The following WNT8A variants were observed in gnomAD, a reference collection of about 807,000 sequenced individuals.
WNT8A encodes protein Wnt-8a.
WNT8A carries 14 observed loss-of-function variants against 20.5 expected under a neutral mutation model. The observed-to-expected ratio is 0.68, with a 90% confidence interval of 0.45 to 1.07. The LOEUF is 1.07. WNT8A is among the 50% of genes least tolerant of loss of function. The probability of loss-of-function intolerance (pLI) is 0.00; values close to 1 mark genes in which losing one functional copy is unlikely to be tolerated. For missense variants in WNT8A, 397 were observed against 462.9 expected (o/e 0.86, Z 1.31); for synonymous variants, 167 against 169.2 (o/e 0.99, Z 0.10).
chr5:138,088,986 T>G lies in WNT8A; in HGVS notation c.481T>G (p.Ser161Ala), dbSNP rs1323502185. Residue 161 changes from serine (S) to alanine (A), a missense_variant, in exon 4 of 5, where the codon TCC becomes GCC. Coordinates refer to ENST00000506684, the MANE Select transcript of WNT8A (RefSeq NM_001300939.2). The stretch of plus-strand genomic sequence containing the variant: ...CAATGTGGAATTTGGGGAAAGGATC[T>G]CCAAACTCTTTGTGGACAGTTTGGA... ...SDNVEFGERI[S>A]KLFVDSLEKG... 1.9e-6 allele frequency: 3 copies of G among 1,613,916 alleles called. No homozygotes were observed. Among genetic ancestry groups the G allele is most frequent in the Non-Finnish European group, 2.5e-6 (3 of 1,179,972 alleles).
chr5:138,084,754 C>T, intron 2 of WNT8A, 118 bp downstream of exon 2: 1 of 1,286,232 alleles, frequency 7.8e-7, no homozygotes, highest in Admixed American at 3.0e-5. Flanking sequence ...TGCCAGTGAC[C>T]TGCTGACCTG....
In WNT8A at chr5:138,090,914, G is replaced by A. The variant is rs557959690; in HGVS notation, c.951G>A (p.Leu317=). 1.2e-6 allele frequency: 2 copies of A among 1,614,224 alleles called. No homozygotes were observed. Among genetic ancestry groups the A allele is most frequent in the African/African-American group, 1.3e-5 (1 of 75,056 alleles). ...SCGRLCTECG[L]QVEERKTEVI... is the part of the protein sequence containing the mutation. ...GGCGCCTGTGCACTGAGTGTGGGCT[G>A]CAGGTGGAAGAGAGGAAAACTGAGG... is the stretch of plus-strand genomic sequence containing the variant. Residue 317 remains leucine, a synonymous_variant, in exon 5 of 5, where the codon CTG becomes CTA. Coordinates refer to ENST00000506684, the MANE Select transcript of WNT8A (RefSeq NM_001300939.2).
the WNT8A span, among the ~76,000 whole-genome samples, chr5:138,078,088 G>T: frequency 6.6e-6 from 1 of 152,006 alleles, no homozygotes; most frequent in African/African-American, 2.4e-5. Flanking sequence ...AGAGCATATT[G>T]TTGGGGAACT....
chr5:138,084,482 CT>C lies in WNT8A; in HGVS notation c.157-12del. The C allele has an allele frequency of 1.9e-6, 3 of 1,590,366 alleles. No individual in the cohort carries two copies. The highest frequency in any genetic ancestry group is 1.1e-5 in the South Asian group (1 of 87,356). On this transcript the variant is annotated splice_polypyrimidine_tract_variant and intron_variant, in intron 1 of 4. Coordinates refer to ENST00000506684, the MANE Select transcript of WNT8A (RefSeq NM_001300939.2). ...CCATACCGGGCAGAAGCTCACAGCC[CT>C]TTTCCCTTTGCCAGGCCTATCTGAC...
Position 138,088,080 on chromosome 5 carries a change from T to C in WNT8A, c.421+149T>C, listed in dbSNP as rs1022410699. The C allele has an allele frequency of 1.6e-5, 20 of 1,245,506 alleles. No individual in the cohort carries two copies. In the African/African-American group the frequency reaches 3.0e-4, roughly 19 times the overall value. The allele number at this position is 1,245,506 out of a possible 1,614,324, so 77.2% of individuals were successfully genotyped here. A position where few individuals can be genotyped will look rare whatever the true frequency, so the allele number is the denominator to read the frequency against. On this transcript the variant is annotated intron_variant, in intron 3 of 4. Transcript: ENST00000506684. ...CCTTCAATTGTAGGATCTCCTAGCC[T>C]TACACTCTCAGAGTTGAGCCTGGGT...
intron 2 of WNT8A, among the ~76,000 whole-genome samples, chr5:138,084,946 T>C (rs1750612807): frequency 6.6e-6 from 1 of 152,106 alleles, no homozygotes; most frequent in African/African-American, 2.4e-5. Flanking sequence ...TTTTTTTTTT[T>C]CTTTTTTTGA....
At chr5:138,087,671 A>G (rs1257565151) in intron 2 of WNT8A, 135 bp from the exon 3 acceptor site, 37 of 829,620 alleles carry the variant, frequency 4.5e-5, no homozygotes, top group Middle Eastern at 3.8e-4. Context: ...AAAAAAAAAA[A>G]AAAGAAAGAA....
rs759551893 is a variant in WNT8A, at chr5:138,084,102, T to C, written c.-26T>C. ...GGTAGGCAGGGCGATGGGGAACCTG[T>C]TTATGCTCTGGGCAGCTCTGGGCAT... is the stretch of plus-strand genomic sequence containing the variant. On this transcript the variant is annotated 5_prime_UTR_variant, in exon 1 of 5. Coordinates refer to ENST00000506684, the MANE Select transcript of WNT8A (RefSeq NM_001300939.2). 5 of 1,613,672 alleles carry C rather than the reference T, an allele frequency of 3.1e-6. No homozygotes were observed. The South Asian group carries it at 5.5e-5, about 18-fold the overall frequency.
At chr5:138,077,637 T>A in the WNT8A span, among the ~76,000 whole-genome samples, 1 of 152,160 alleles carries the variant, frequency 6.6e-6, no homozygotes, top group Non-Finnish European at 1.5e-5. Flanking sequence ...CAGAGATGGA[T>A]AGGACAGAGA....
intron 4 of WNT8A, among the ~76,000 whole-genome samples, chr5:138,090,310 A>T (rs1750803174): frequency 6.6e-6 from 1 of 152,228 alleles, no homozygotes; most frequent in Non-Finnish European, 1.5e-5. Flanking sequence ...TCACCCAGGG[A>T]AGCTTTAAAA....
In WNT8A at chr5:138,091,068, G is replaced by A. The variant is rs1178127366; in HGVS notation, c.1105G>A (p.Ala369Thr). ...GSAQSLGKGS[A>T] is the part of the protein sequence containing the mutation. ...TGCCCAGTCCCTGGGTAAGGGCAGTGCCTGATAATACCCCACACAAGTTCA... is the reference window on the plus strand; with the variant it reads ...TGCCCAGTCCCTGGGTAAGGGCAGTACCTGATAATACCCCACACAAGTTCA... Residue 369 changes from alanine (A) to threonine (T), a missense_variant, in exon 5 of 5, where the codon GCC becomes ACC. Physicochemically the swap from Ala to Thr is moderately conservative, Grantham distance 58 (BLOSUM62 0). Coordinates refer to ENST00000506684, the MANE Select transcript of WNT8A (RefSeq NM_001300939.2). 1.9e-6 allele frequency: 3 copies of A among 1,608,724 alleles called. No individual in the cohort carries two copies. The highest frequency in any genetic ancestry group is 2.5e-6 in the Non-Finnish European group (3 of 1,177,076).
chr5:138,086,930 C>T (rs1056982257), intron 2 of WNT8A, among the ~76,000 whole-genome samples: 1 of 150,802 alleles, frequency 6.6e-6, no homozygotes, highest in African/African-American at 2.4e-5. Context: ...CCTATAGTCC[C>T]AGCTACTCAG....
rs200610776 is a variant in WNT8A at position 138,091,427 on chromosome 5, A to C, written c.*354A>C. The C allele has an allele frequency of 7.3e-7, 1 of 1,361,760 alleles. No individual in the cohort carries two copies. Among genetic ancestry groups the C allele is most frequent in the Non-Finnish European group, 9.7e-7 (1 of 1,028,594 alleles). The allele number at this position is 1,361,760 out of a possible 1,614,324, so 84.4% of individuals were successfully genotyped here. A position where few individuals can be genotyped will look rare whatever the true frequency, so the allele number is the denominator to read the frequency against. ...TATTTGTTCCTTTAAATTTCAGACC[A>C]TGTCCAACCCAGCTGTGCTGCTGGG... On this transcript the variant is annotated 3_prime_UTR_variant, in exon 5 of 5. Coordinates refer to ENST00000506684, the MANE Select transcript of WNT8A (RefSeq NM_001300939.2).
At chr5:138,089,193 C>G in intron 4 of WNT8A, 124 bp downstream of exon 4, 2 of 1,375,234 alleles carry the variant, frequency 1.5e-6, no homozygotes, top group Non-Finnish European at 2.0e-6. Flanking sequence ...GATGGCTACC[C>G]GCATTCTCTG....
At position 138,084,136 on chromosome 5, in the gene WNT8A, C is replaced by T; in HGVS notation, c.9C>T (p.Cys3=). 1 of 1,614,190 alleles carries T rather than the reference C, an allele frequency of 6.2e-7. No homozygotes were observed. The highest frequency in any genetic ancestry group is 8.5e-7 in the Non-Finnish European group (1 of 1,180,028). Residue 3 remains cysteine (C), a synonymous_variant, in exon 1 of 5, where the codon TGC becomes TGT. Coordinates refer to ENST00000506684, the MANE Select transcript of WNT8A (RefSeq NM_001300939.2). ML[C]CIQCLCLVSP... ...TGGGCAGCTCTGGGCATATGCTGTG[C>T]TGCATTCAGTGCCTCTGCCTGGTAA... is the stretch of plus-strand genomic sequence containing the variant.
chr5:138,088,386 TC>T (rs1309592423), intron 3 of WNT8A, among the ~76,000 whole-genome samples: 1 of 148,140 alleles, frequency 6.8e-6, no homozygotes, highest in Non-Finnish European at 1.5e-5. Flanking sequence ...AGATGGAGTC[TC>T]GCTCTGTCGA....
rs957680008 is a variant in WNT8A, at chr5:138,090,864, T to C, written c.901T>C (p.Ser301Pro). ...RECLQNSHNT[S>P]RWERRSCGRL... Reference sequence around the variant, plus strand: ...GTGCCTACAGAACAGCCACAACACATCCAGGTGGGAGCGACGTAGCTGTGG... The same window carrying C: ...GTGCCTACAGAACAGCCACAACACACCCAGGTGGGAGCGACGTAGCTGTGG... The change falls in exon 5 of 5, where the codon TCC becomes CCC. Residue 301 changes from serine to proline, a missense_variant. Transcript: ENST00000506684. The C allele has an allele frequency of 1.9e-6, 3 of 1,613,954 alleles. No homozygotes were observed. In the African/African-American group the frequency reaches 4.0e-5, roughly 22 times the overall value.
Position 138,090,843 on chromosome 5 carries a change from C to T in WNT8A, c.880C>T (p.Leu294=), listed in dbSNP as rs1750824910. The part of the protein sequence containing the change: ...GIYGTEGREC[L]QNSHNTSRWE... ...CTATGGCACAGAGGGTCGTGAGTGC[C>T]TACAGAACAGCCACAACACATCCAG... is the stretch of plus-strand genomic sequence containing the variant. The change falls in exon 5 of 5, where the codon CTA becomes TTA. Residue 294 remains leucine, a synonymous_variant. Coordinates refer to ENST00000506684, the MANE Select transcript of WNT8A (RefSeq NM_001300939.2). 1.2e-6 allele frequency: 2 copies of T among 1,614,224 alleles called. No individual in the cohort carries two copies. Among genetic ancestry groups the T allele is most frequent in the Non-Finnish European group, 1.7e-6 (2 of 1,180,044 alleles).
In WNT8A at chr5:138,091,503, A is replaced by C; in HGVS notation, c.*430A>C. The C allele has an allele frequency of 3.0e-6, 4 of 1,339,050 alleles. No individual in the cohort carries two copies. The highest frequency in any genetic ancestry group is 3.9e-6 in the Non-Finnish European group (4 of 1,014,878). 82.9% of individuals were successfully genotyped at this position (1,339,050 alleles called of 1,614,324 possible). A position where few individuals can be genotyped will look rare whatever the true frequency, so the allele number is the denominator to read the frequency against. ...GAAAGAGTTCTGTTCAGACTTCTGAAGAGCAGCCTGTGGCTACAAATCTAT... is the reference window on the plus strand; with the variant it reads ...GAAAGAGTTCTGTTCAGACTTCTGACGAGCAGCCTGTGGCTACAAATCTAT... On this transcript the variant is annotated 3_prime_UTR_variant, in exon 5 of 5. Coordinates refer to ENST00000506684, the MANE Select transcript of WNT8A (RefSeq NM_001300939.2).
Sources: allele counts gnomAD v4.1 joint callset (sites outside exome capture counted in the v4.1 genomes callset), GRCh38; gene constraint gnomAD v4.1.1; transcripts MANE v1.5; gene names NCBI Gene and HGNC (gene_info 2026-07-23, HGNC 2026-07-21).